PLCH1: variants seen among roughly 807,000 people sequenced by gnomAD.
PLCH1 encodes 1-phosphatidylinositol 4,5-bisphosphate phosphodiesterase eta-1.
In PLCH1, 60 loss-of-function variants were observed where a neutral mutation model predicts 126.7. That is an observed-to-expected ratio of 0.47 (90% CI 0.38 to 0.59). The LOEUF is 0.59. Ranked by LOEUF, PLCH1 falls within the 20% of genes least tolerant of loss-of-function variation. The pLI, the probability that PLCH1 is intolerant of heterozygous loss-of-function variation, is 0.00. For synonymous variants in PLCH1, 719 were observed against 734.9 expected (o/e 0.98, Z 0.35); for missense variants, 1,723 against 2,040.0 (o/e 0.84, Z 2.99).
intron 1 of PLCH1, among the ~76,000 whole-genome samples, chr3:155,729,924 CAA>C (rs11380418): frequency 1.4e-4 from 16 of 116,270 alleles, no homozygotes; most frequent in Admixed American, 2.7e-4. Flanking sequence ...GACTCCATCT[CAA>C]AAAAAAAAAA....
At chr3:155,533,772 T>C (rs897124738) in intron 10 of PLCH1, among the ~76,000 whole-genome samples, 8 of 152,166 alleles carry the variant, frequency 5.3e-5, no homozygotes, top group African/African-American at 1.9e-4. Context: ...CTGCTACTGC[T>C]CTGTGCAGCC....
intron 10 of PLCH1, among the ~76,000 whole-genome samples, chr3:155,532,339 AG>A (rs2108339385): frequency 6.6e-6 from 1 of 152,300 alleles, no homozygotes; most frequent in East Asian, 1.9e-4. Flanking sequence ...AAGCTCTGTG[AG>A]ACAGCTGAAA....
intron 10 of PLCH1, among the ~76,000 whole-genome samples, chr3:155,548,145 G>GT (rs1725632939): frequency 6.6e-6 from 1 of 152,142 alleles, no homozygotes; most frequent in African/African-American, 2.4e-5. Flanking sequence ...ACATATGTGT[G>GT]TAACAGTTGT....
chr3:155,558,481 C>T (rs1415427630), intron 8 of PLCH1, among the ~76,000 whole-genome samples: 1 of 152,132 alleles, frequency 6.6e-6, no homozygotes, highest in Non-Finnish European at 1.5e-5. Context: ...TATACATACA[C>T]CCTTGTTTTT....
rs555590585 is a variant in PLCH1 at position 155,644,251 on chromosome 3, GA to G, written c.80-47874del. Among the ~76,000 whole-genome samples, 854 of 152,294 alleles carry G rather than the reference GA, an allele frequency of 5.6e-3. 5 individuals carry two copies. Among genetic ancestry groups the G allele is most frequent in the Non-Finnish European group, 8.3e-3 (565 of 68,026 alleles). ...TTTTGTTTGTAGTCTCTGGAGCTCA[GA>G]GCTATTTAATCTCCAATTTGAGAAA... On this transcript the variant is annotated intron_variant, in intron 2 of 22. Coordinates refer to ENST00000460012, the MANE Select transcript of PLCH1 (RefSeq NM_014996.4).
At chr3:155,474,959 G>T (rs1713467021), downstream of PLCH1, among the ~76,000 whole-genome samples, 1 of 136,040 alleles carries the variant, frequency 7.4e-6, no homozygotes, top group Admixed American at 7.4e-5. Flanking sequence ...GATAGCATTG[G>T]GAGATATACC....
intron 2 of PLCH1, among the ~76,000 whole-genome samples, chr3:155,654,756 TC>T (rs1240080392): frequency 6.6e-6 from 1 of 152,150 alleles, no homozygotes; most frequent in Non-Finnish European, 1.5e-5. Flanking sequence ...CCCTGTCTCC[TC>T]TCATCTCATA....
At chr3:155,695,675 T>C in intron 2 of PLCH1, among the ~76,000 whole-genome samples, 1 of 152,238 alleles carries the variant, frequency 6.6e-6, no homozygotes, top group Middle Eastern at 3.2e-3. Context: ...ACACAATTAA[T>C]TGTTTTATTA....
intron 12 of PLCH1, among the ~76,000 whole-genome samples, chr3:155,511,966 C>T (rs1719609614): frequency 6.6e-6 from 1 of 151,972 alleles, no homozygotes; most frequent in Non-Finnish European, 1.5e-5. Flanking sequence ...TGCCGCCTTG[C>T]AGTTTGATCT....
intron 6 of PLCH1, among the ~76,000 whole-genome samples, chr3:155,576,137 A>G (rs1356713937): frequency 6.6e-6 from 1 of 152,122 alleles, no homozygotes; most frequent in Non-Finnish European, 1.5e-5. Context: ...CAAAAAAAAC[A>G]CTCAGCTCCA....
At chr3:155,478,729 T>C (rs1713657885), downstream of PLCH1, among the ~76,000 whole-genome samples, 1 of 152,122 alleles carries the variant, frequency 6.6e-6, no homozygotes, top group Non-Finnish European at 1.5e-5. Flanking sequence ...TGAGCCTCAG[T>C]TTTTTCATGT....
chr3:155,460,902 T>C (rs1261789438), intron 21 of PLCH1, among the ~76,000 whole-genome samples: 1 of 152,210 alleles, frequency 6.6e-6, no homozygotes, highest in African/African-American at 2.4e-5. Context: ...CAATTGCAGC[T>C]TCTGTGCTAG....
intron 3 of PLCH1, 26 bp from the exon 4 acceptor site, chr3:155,594,210 G>C: frequency 6.3e-7 from 1 of 1,597,600 alleles, no homozygotes; most frequent in Non-Finnish European, 8.6e-7. Context: ...GATACACACA[G>C]TTATACAGCA....
chr3:155,730,999 C>T (rs1382644289), intron 1 of PLCH1, among the ~76,000 whole-genome samples: 1 of 152,208 alleles, frequency 6.6e-6, no homozygotes, highest in Admixed American at 6.5e-5. Context: ...AGCCTCCAGG[C>T]CTACCCTGGC....
At chr3:155,465,952 C>T (rs1168981969) in intron 21 of PLCH1, among the ~76,000 whole-genome samples, 1 of 152,174 alleles carries the variant, frequency 6.6e-6, no homozygotes. Context: ...GGTTTCAGTG[C>T]CAATGCAGCC....
At chr3:155,633,292 T>G (rs1482760684) in intron 2 of PLCH1, among the ~76,000 whole-genome samples, 1 of 151,846 alleles carries the variant, frequency 6.6e-6, no homozygotes, top group Admixed American at 6.6e-5. Context: ...TTTTGATTAT[T>G]GTATATCTGC....
chr3:155,654,994 T>C (rs1559901160), intron 2 of PLCH1, among the ~76,000 whole-genome samples: 1 of 152,150 alleles, frequency 6.6e-6, no homozygotes, highest in Non-Finnish European at 1.5e-5. Flanking sequence ...AATACACCAT[T>C]CCTGACCCTG....
chr3:155,561,140 T>C (rs1270391842), intron 8 of PLCH1, among the ~76,000 whole-genome samples: 1 of 151,944 alleles, frequency 6.6e-6, no homozygotes, highest in Admixed American at 6.6e-5. Context: ...TTATTTCTTA[T>C]TATTATTATA....
rs568379968 is a variant in PLCH1 at position 155,561,059 on chromosome 3, T to C, written c.1069+3856A>G. Among the ~76,000 whole-genome samples, 5 of 152,304 alleles carry C rather than the reference T, an allele frequency of 3.3e-5. No homozygotes were observed. In the East Asian group the frequency reaches 9.6e-4, roughly 29 times the overall value. ...TACACTCATTAAAAAATCTCTCCTCTTTTGAAGCTTATTCTATCCAGCTAT... is the reference window on the plus strand; with the variant it reads ...TACACTCATTAAAAAATCTCTCCTCCTTTGAAGCTTATTCTATCCAGCTAT... On this transcript the variant is annotated intron_variant, in intron 8 of 22. Transcript: ENST00000460012.
Sources: allele counts gnomAD v4.1 joint callset (sites outside exome capture counted in the v4.1 genomes callset), GRCh38; gene constraint gnomAD v4.1.1; transcripts MANE v1.5; gene names NCBI Gene and HGNC (gene_info 2026-07-23, HGNC 2026-07-21).